GNG4: variants seen among roughly 807,000 people sequenced by gnomAD.
GNG4 encodes guanine nucleotide-binding protein G(I)/G(S)/G(O) subunit gamma-4.
GNG4 carries 4 observed loss-of-function variants against 5.8 expected under a neutral mutation model. The observed-to-expected ratio is 0.69, with a 90% confidence interval of 0.34 to 1.57. GNG4 has a LOEUF of 1.57. GNG4 is among the 40% of genes most tolerant of loss of function. The pLI is 0.06. For missense variants in GNG4, 96 were observed against 95.1 expected, an observed-to-expected ratio of 1.01 and a Z score of -0.04; for synonymous variants, 29 against 32.9, an observed-to-expected ratio of 0.88 and a Z score of 0.41.
intron 2 of GNG4, among the ~76,000 whole-genome samples, chr1:235,588,249 T>C (rs935516178): frequency 1.3e-5 from 2 of 151,932 alleles, no homozygotes; most frequent in African/African-American, 4.8e-5. Context: ...AATAAGCGGG[T>C]GGGTGACCCT....
chr1:235,612,868 C>T (rs1004680584), intron 1 of GNG4, among the ~76,000 whole-genome samples: 1 of 152,114 alleles, frequency 6.6e-6, no homozygotes, highest in African/African-American at 2.4e-5. Context: ...GTTCCCTGAG[C>T]TTAGAAATTC....
At position 235,552,132 on chromosome 1, in the gene GNG4, T is replaced by A; in HGVS notation, c.205A>T (p.Lys69Ter). The part of the protein sequence containing the change: ...PASENPFREK[K>*]FFCTIL ...AGTTAGAGAATGGTACAAAAGAACT[T>A]CTTCTCGCGAAAGGGGTTTTCTGAT... is the stretch of plus-strand genomic sequence containing the variant. Residue 69 changes from lysine (K) to a stop codon, truncating the protein, a stop_gained, in exon 4 of 4, where the codon AAG (lysine) becomes TAG (stop). Transcript: ENST00000391854. LOFTEE classifies it high-confidence loss of function. 1.2e-6 allele frequency: 2 copies of A among 1,613,788 alleles called. No individual in the cohort carries two copies. The highest frequency in any genetic ancestry group is 1.7e-6 in the Non-Finnish European group (2 of 1,179,750).
At chr1:235,561,134 C>T (rs146734236) in intron 3 of GNG4, among the ~76,000 whole-genome samples, 1,686 of 152,224 alleles carry the variant, frequency 0.011, 29 homozygotes, top group African/African-American at 0.038. Context: ...CTCAGCCTCC[C>T]GAGTAGCTGG....
chr1:235,634,560 T>C (rs1688992217), intron 1 of GNG4, among the ~76,000 whole-genome samples: 1 of 152,192 alleles, frequency 6.6e-6, no homozygotes, highest in African/African-American at 2.4e-5. Flanking sequence ...GAAACGCAGA[T>C]TTATAGCTTA....
intron 1 of GNG4, among the ~76,000 whole-genome samples, chr1:235,604,940 G>A (rs1177722098): frequency 6.6e-6 from 1 of 152,120 alleles, no homozygotes; most frequent in Non-Finnish European, 1.5e-5. Context: ...GGAGAGGAAT[G>A]TATCTCAGGG....
intron 1 of GNG4, among the ~76,000 whole-genome samples, chr1:235,600,145 C>T (rs1039942003): frequency 2.1e-5 from 2 of 96,824 alleles, no homozygotes; most frequent in South Asian, 3.4e-4. Context: ...GGCAGAGTCT[C>T]ACTCTGTCGC....
upstream of GNG4, chr1:235,650,130 C>T (rs1657637256): frequency 6.6e-6 from 1 of 150,736 alleles, no homozygotes; most frequent in Admixed American, 6.6e-5. Context: ...GGCCCGCGCC[C>T]CCCGCCCGCT....
At chr1:235,621,593 C>G (rs539959793) in intron 1 of GNG4, among the ~76,000 whole-genome samples, 1 of 150,940 alleles carries the variant, frequency 6.6e-6, no homozygotes, top group South Asian at 2.1e-4. Flanking sequence ...CTGCACCTGG[C>G]AAAAAAAAGT....
At chr1:235,576,843 A>G (rs985000743) in intron 3 of GNG4, among the ~76,000 whole-genome samples, 4 of 152,154 alleles carry the variant, frequency 2.6e-5, no homozygotes, top group Non-Finnish European at 5.9e-5. Flanking sequence ...GTAATGCCTC[A>G]ATCTATATCC....
At chr1:235,579,905 T>A (rs1244224687) in intron 3 of GNG4, among the ~76,000 whole-genome samples, 1 of 148,930 alleles carries the variant, frequency 6.7e-6, no homozygotes, top group Non-Finnish European at 1.5e-5. Flanking sequence ...GATCCAGCAA[T>A]TCCACTTGTG....
At chr1:235,561,065 A>T (rs752476252) in intron 3 of GNG4, among the ~76,000 whole-genome samples, 3 of 152,156 alleles carry the variant, frequency 2.0e-5, no homozygotes, top group Non-Finnish European at 2.9e-5. Context: ...GCTGCAGTGC[A>T]GTGGCGCCAT....
intron 1 of GNG4, among the ~76,000 whole-genome samples, chr1:235,621,211 A>T: frequency 7.2e-6 from 1 of 138,226 alleles, no homozygotes. Flanking sequence ...TATGCTGGAG[A>T]TTAGCCAAAA....
chr1:235,590,693 C>T (rs1687938503), intron 2 of GNG4, among the ~76,000 whole-genome samples: 1 of 152,142 alleles, frequency 6.6e-6, no homozygotes, highest in Non-Finnish European at 1.5e-5. Flanking sequence ...TGTGTTTTCT[C>T]TCTCCAAGGG....
rs539076181 is a variant in GNG4 at position 235,561,314 on chromosome 1, G to A, written c.100-9077C>T. Among the ~76,000 whole-genome samples, 36 of 151,496 alleles carry A rather than the reference G, an allele frequency of 2.4e-4. No individual in the cohort carries two copies. In the South Asian group the frequency reaches 7.5e-3, roughly 32 times the overall value. ...GTGAGCCACCGCGCCCGGCCATTTT[G>A]CCCATTTTTTAATGTGGTTGGTTGT... On this transcript the variant is annotated intron_variant, in intron 3 of 3. Coordinates refer to ENST00000391854, the MANE Select transcript of GNG4 (RefSeq NM_001098722.2).
In GNG4 at chr1:235,559,049, T is replaced by C. The variant is rs532031831; in HGVS notation, c.100-6812A>G. Reference sequence around the variant, plus strand: ...TTCCATGACAAGACAGATGACATAATTATTATTGTGGCTGTGACACCCACT... The same window carrying C: ...TTCCATGACAAGACAGATGACATAACTATTATTGTGGCTGTGACACCCACT... On this transcript the variant is annotated intron_variant, in intron 3 of 3. Transcript: ENST00000391854. 9.8e-5 allele frequency among the ~76,000 whole-genome samples: 15 copies of C among 152,302 alleles called. 1 individual carries two copies. In the South Asian group the frequency reaches 2.7e-3, roughly 27 times the overall value.
At chr1:235,645,716 G>C (rs1438629243) in intron 1 of GNG4, among the ~76,000 whole-genome samples, 1 of 148,326 alleles carries the variant, frequency 6.7e-6, no homozygotes, top group East Asian at 2.0e-4. Flanking sequence ...AGAATCGCTT[G>C]AGCCCAGGAG....
chr1:235,587,571 T>C (rs1247724152), intron 2 of GNG4, among the ~76,000 whole-genome samples: 1 of 7,552 alleles, frequency 1.3e-4, no homozygotes, highest in Non-Finnish European at 3.5e-4. Flanking sequence ...TGTGGGAGGG[T>C]GTGGGGTGGC....
chr1:235,593,955 C>T (rs1024204854), intron 2 of GNG4, among the ~76,000 whole-genome samples: 13 of 152,368 alleles, frequency 8.5e-5, no homozygotes, highest in African/African-American at 3.1e-4. Context: ...CTGGCGCGGG[C>T]AGCCTGCTTT....
At chr1:235,591,206 C>T (rs889073428) in intron 2 of GNG4, among the ~76,000 whole-genome samples, 19 of 152,254 alleles carry the variant, frequency 1.2e-4, no homozygotes, top group South Asian at 2.1e-4. Flanking sequence ...AGCACTGCTC[C>T]GCCACTGCTC....
Sources: gnomAD v4.1 joint callset for allele counts (sites outside exome capture counted in the v4.1 genomes callset) on GRCh38, gnomAD v4.1.1 for gene constraint, MANE v1.5 for transcripts, NCBI Gene and HGNC (gene_info 2026-07-23, HGNC 2026-07-21) for gene names.